TMPRSS15: variants seen among roughly 807,000 people sequenced by gnomAD.
The protein encoded by TMPRSS15 is enteropeptidase.
In TMPRSS15, 128 loss-of-function variants were observed where a neutral mutation model predicts 125.3. The ratio of observed to expected loss-of-function variants is 1.02; its 90% CI spans 0.89 to 1.18. TMPRSS15 has a LOEUF of 1.18. Ranked by LOEUF, TMPRSS15 falls within the 50% of genes most tolerant of loss-of-function variation. TMPRSS15 has a pLI of 0.00. For synonymous variants in TMPRSS15, 446 were observed against 423.2 expected (o/e 1.05, Z -0.66); for missense variants, 1,283 against 1,212.7 (o/e 1.06, Z -0.86).
chr21:18,385,002 G>A (rs1342339783), intron 3 of TMPRSS15, among the ~76,000 whole-genome samples: 2 of 152,004 alleles, frequency 1.3e-5, no homozygotes, highest in African/African-American at 2.4e-5. Flanking sequence ...TTCCTTCTTC[G>A]TGTCCATGGC....
At chr21:18,288,767 TC>T (rs1273723107) in intron 21 of TMPRSS15, among the ~76,000 whole-genome samples, 2 of 151,768 alleles carry the variant, frequency 1.3e-5, no homozygotes, top group African/African-American at 4.8e-5. Context: ...GGTCTCAAAC[TC>T]CCGAGCTCAG....
rs1323763264 is a variant in TMPRSS15, at chr21:18,443,448, C to T, written c.10+42351G>A. On this transcript the variant is annotated intron_variant, in intron 1 of 7. Transcript: ENST00000422787. The stretch of plus-strand genomic sequence containing the variant: ...GGGACACTCACGCTCTCCACAGGGA[C>T]CTGTGTAAAACTGAATGAGAGAATC... Among the ~76,000 whole-genome samples the T allele has an allele frequency of 2.6e-5, 4 of 152,286 alleles. No individual in the cohort carries two copies. The South Asian group carries it at 8.3e-4, about 32-fold the overall frequency.
rs771646497 is a variant in TMPRSS15, at chr21:18,365,141, G to A, written c.772C>T (p.Arg258Cys). 1.2e-5 allele frequency: 20 copies of A among 1,611,140 alleles called. No homozygotes were observed. Among genetic ancestry groups the A allele is most frequent in the East Asian group, 2.2e-5 (1 of 44,834 alleles). The change falls in exon 7 of 25, where the codon CGT becomes TGT. Residue 258 changes from arginine (R) to cysteine (C), a missense_variant and splice_region_variant. Transcript: ENST00000284885. Reference sequence around the variant, plus strand: ...AGAAAATATAAGATCTTGTATTACCGTATGATCCACTGGCAGACAACACTT... The same window carrying A: ...AGAAAATATAAGATCTTGTATTACCATATGATCCACTGGCAGACAACACTT... ...ETSVVCQWII[R>C]VNQGLSIKLS...
intron 19 of TMPRSS15, among the ~76,000 whole-genome samples, chr21:18,295,724 G>A (rs76777389): frequency 0.011 from 1,643 of 152,246 alleles, 29 homozygotes; most frequent in African/African-American, 0.038. Context: ...TAACTAGTGT[G>A]CATGCATGTA....
intron 1 of TMPRSS15, among the ~76,000 whole-genome samples, chr21:18,438,423 A>T (rs1329331530): frequency 1.3e-5 from 2 of 152,002 alleles, no homozygotes; most frequent in Non-Finnish European, 2.9e-5. Flanking sequence ...ACATGTATAC[A>T]TATGTAACTA....
At chr21:18,275,141 T>C (rs887914367) in intron 24 of TMPRSS15, 56 bp downstream of exon 24, 2 of 1,590,986 alleles carry the variant, frequency 1.3e-6, no homozygotes, top group African/African-American at 2.7e-5. Flanking sequence ...AGCAATGAAA[T>C]AACTATAACA....
intron 3 of TMPRSS15, among the ~76,000 whole-genome samples, chr21:18,387,417 CTT>C (rs914952893): frequency 3.3e-5 from 5 of 152,076 alleles, no homozygotes; most frequent in Non-Finnish European, 7.4e-5. Flanking sequence ...CCTTTCCTAA[CTT>C]TGTGGCTTAT....
chr21:18,412,913 C>T (rs933040320), intron 1 of TMPRSS15, among the ~76,000 whole-genome samples: 10 of 152,060 alleles, frequency 6.6e-5, no homozygotes, highest in Non-Finnish European at 1.2e-4. Flanking sequence ...CAGTTAAATT[C>T]CTTACATTAG....
rs569146471 is a variant in TMPRSS15 at position 18,421,984 on chromosome 21, C to CTT, written c.11-23657_11-23656dup. Among the ~76,000 whole-genome samples, 1,143 of 135,114 alleles carry CTT rather than the reference C, an allele frequency of 8.5e-3. 29 individuals carry two copies. Among genetic ancestry groups the CTT allele is most frequent in the African/African-American group, 0.03 (1,069 of 35,710 alleles). The allele number at this position is 135,114 out of a possible 152,430, so 88.6% of individuals were successfully genotyped here. A position where few individuals can be genotyped will look rare whatever the true frequency, so the allele number is the denominator to read the frequency against. Reference sequence around the variant, plus strand: ...CAGAGGGCTGAAAGCAAGTATTACTCTTTTTTTTTTTTTTTTTCAGACTAC... The same window carrying CTT: ...CAGAGGGCTGAAAGCAAGTATTACTCTTTTTTTTTTTTTTTTTTTCAGACTAC... On this transcript the variant is annotated intron_variant, in intron 1 of 7. Transcript: ENST00000422787.
chr21:18,393,481 T>C (rs1323050047), intron 3 of TMPRSS15, among the ~76,000 whole-genome samples: 2 of 152,212 alleles, frequency 1.3e-5, no homozygotes, highest in Non-Finnish European at 2.9e-5. Context: ...TTAAGCAGTA[T>C]GAATCTCTTT....
chr21:18,293,526 G>A (rs929952879), intron 21 of TMPRSS15, among the ~76,000 whole-genome samples: 3 of 152,172 alleles, frequency 2.0e-5, no homozygotes, highest in Admixed American at 1.3e-4. Context: ...TCAGAACCAT[G>A]TGACTATCTA....
chr21:18,355,163 T>C (rs778515154), intron 8 of TMPRSS15, among the ~76,000 whole-genome samples: 1 of 151,940 alleles, frequency 6.6e-6, no homozygotes, highest in Non-Finnish European at 1.5e-5. Context: ...TGAAAACCTT[T>C]GGAGTTCATA....
At chr21:18,396,487 T>A (rs892408570) in intron 3 of TMPRSS15, among the ~76,000 whole-genome samples, 72 of 152,098 alleles carry the variant, frequency 4.7e-4, no homozygotes, top group African/African-American at 1.7e-3. Context: ...AGAAAATACA[T>A]CTTACAGCTG....
intron 21 of TMPRSS15, among the ~76,000 whole-genome samples, chr21:18,281,996 G>A (rs1449930975): frequency 6.7e-6 from 1 of 150,246 alleles, no homozygotes; most frequent in Non-Finnish European, 1.5e-5. Context: ...ACTTCGGGGG[G>A]CAGAGGCAGG....
intron 1 of TMPRSS15, among the ~76,000 whole-genome samples, chr21:18,477,052 A>G (rs1476252579): frequency 6.6e-6 from 1 of 152,132 alleles, no homozygotes; most frequent in Non-Finnish European, 1.5e-5. Context: ...GTTTCTGAAA[A>G]GCGCTTATCT....
chr21:18,431,006 A>G lies in TMPRSS15; in HGVS notation c.11-32677T>C, dbSNP rs1296266842. Among the ~76,000 whole-genome samples, 4 of 152,212 alleles carry G rather than the reference A, an allele frequency of 2.6e-5. 1 individual carries two copies. The highest frequency in any genetic ancestry group is 9.6e-5 in the African/African-American group (4 of 41,456). ...TAGCATGTACAGTCTTAGAACAGAT[A>G]TATCTGACTAAAAGCAATCCATAGG... On this transcript the variant is annotated intron_variant, in intron 1 of 7. Transcript: ENST00000422787.
intron 1 of TMPRSS15, among the ~76,000 whole-genome samples, chr21:18,475,851 A>AT (rs905086308): frequency 1.3e-5 from 2 of 152,084 alleles, no homozygotes. Context: ...TTTGAACTTT[A>AT]TTTTTTCTTT....
intron 1 of TMPRSS15, among the ~76,000 whole-genome samples, chr21:18,400,748 G>C (rs2076087266): frequency 6.6e-6 from 1 of 152,078 alleles, no homozygotes; most frequent in South Asian, 2.1e-4. Context: ...TTAAACTAAA[G>C]ATCTTCTGCA....
At chr21:18,456,147 T>C (rs1275081201) in intron 1 of TMPRSS15, among the ~76,000 whole-genome samples, 2 of 152,146 alleles carry the variant, frequency 1.3e-5, no homozygotes, top group African/African-American at 4.8e-5. Context: ...TAATACAGAA[T>C]TATTTAATAG....
Sources: allele counts gnomAD v4.1 joint callset (sites outside exome capture counted in the v4.1 genomes callset), GRCh38; gene constraint gnomAD v4.1.1; transcripts MANE v1.5; gene names NCBI Gene and HGNC (gene_info 2026-07-23, HGNC 2026-07-21).